The following OR1J2 variants were observed in gnomAD, a reference collection of about 807,000 sequenced individuals.
OR1J2 encodes olfactory receptor 1J2.
For synonymous variants in OR1J2, 142 were observed against 99.7 expected (o/e 1.42, Z -2.52); for missense variants, 304 against 246.1 (o/e 1.24, Z -1.57).
chr9:122,473,162 A>T, the OR1J2 span, among the ~76,000 whole-genome samples: 1 of 152,200 alleles, frequency 6.6e-6, no homozygotes, highest in Non-Finnish European at 1.5e-5. Context: ...GTCATAAAAA[A>T]TCCTGACCTG....
chr9:122,451,678 A>G, the OR1J2 span, among the ~76,000 whole-genome samples: 3 of 152,180 alleles, frequency 2.0e-5, no homozygotes, highest in Non-Finnish European at 4.4e-5. Context: ...GTAGCCTACA[A>G]ATTCTTTATT....
At chr9:122,505,638 A>C in the OR1J2 span, among the ~76,000 whole-genome samples, 3 of 152,146 alleles carry the variant, frequency 2.0e-5, no homozygotes, top group African/African-American at 7.2e-5. Context: ...CTCAAACATT[A>C]TTATCTCAAG....
At chr9:122,524,967 G>A in the OR1J2 span, among the ~76,000 whole-genome samples, 1 of 152,176 alleles carries the variant, frequency 6.6e-6, no homozygotes, top group African/African-American at 2.4e-5. Context: ...AAAGCTAGAG[G>A]TCAATGGCTT....
chr9:122,535,860 TA>T, the OR1J2 span, among the ~76,000 whole-genome samples: 4 of 151,840 alleles, frequency 2.6e-5, no homozygotes, highest in Admixed American at 6.6e-5. Context: ...CAAAGGGAGA[TA>T]GGGGTGGGGC....
At chr9:122,550,681 A>G in the OR1J2 span, among the ~76,000 whole-genome samples, 1 of 152,122 alleles carries the variant, frequency 6.6e-6, no homozygotes, top group Non-Finnish European at 1.5e-5. Flanking sequence ...TAGAAAAAGC[A>G]ACTGATAAAA....
downstream of OR1J2, among the ~76,000 whole-genome samples, chr9:122,512,018 TC>T (rs1828647540): frequency 6.6e-6 from 1 of 152,234 alleles, no homozygotes; most frequent in Non-Finnish European, 1.5e-5. Context: ...AGTTTTCTTA[TC>T]CCTTATTTGA....
chr9:122,485,358 C>T, the OR1J2 span, among the ~76,000 whole-genome samples: 2 of 152,214 alleles, frequency 1.3e-5, no homozygotes. Context: ...TCCGCACAGA[C>T]TCCAGCACTT....
chr9:122,492,188 A>G, the OR1J2 span, among the ~76,000 whole-genome samples: 2 of 151,880 alleles, frequency 1.3e-5, no homozygotes, highest in Non-Finnish European at 2.9e-5. Context: ...AGTGTCCATT[A>G]TTGCCACATA....
chr9:122,457,376 A>G, the OR1J2 span, among the ~76,000 whole-genome samples: 1 of 152,294 alleles, frequency 6.6e-6, no homozygotes, highest in Non-Finnish European at 1.5e-5. Context: ...TTAAAATAAG[A>G]CAAAATTAAA....
At chr9:122,549,185 C>T in the OR1J2 span, among the ~76,000 whole-genome samples, 216 of 152,082 alleles carry the variant, frequency 1.4e-3, 1 homozygote, top group Non-Finnish European at 2.6e-3. Flanking sequence ...GTGCTCTCCC[C>T]GCAGTAATGA....
the OR1J2 span, chr9:122,568,187 C>A: frequency 3.7e-6 from 6 of 1,614,082 alleles, no homozygotes; most frequent in East Asian, 1.3e-4. Flanking sequence ...GTGTCAGACA[C>A]CCAGCATAGG....
At chr9:122,474,919 G>A in the OR1J2 span, among the ~76,000 whole-genome samples, 10 of 152,160 alleles carry the variant, frequency 6.6e-5, no homozygotes, top group Middle Eastern at 3.2e-3. Context: ...CAGCTGACAC[G>A]AACCTCTTCC....
rs771506738 is a variant in OR1J2 at position 122,511,613 on chromosome 9, A to G, written c.812A>G (p.Asp271Gly). 3 of 780,984 alleles carry G rather than the reference A, an allele frequency of 3.8e-6. No individual in the cohort carries two copies. Among genetic ancestry groups the G allele is most frequent in the East Asian group, 2.4e-5 (1 of 41,242 alleles). The allele number at this position is 780,984 out of a possible 1,614,324, so 48.4% of individuals were successfully genotyped here. ...ACTGTAAGCAGTTCTATTGACAAGG[A>G]TGTCATTGTGGCTCTCATGTACACG... ...FPTVSSSIDK[D>G]VIVALMYTVV... Residue 271 changes from aspartate (D) to glycine (G), a missense_variant, in exon 1 of 1, where the codon GAT becomes GGT. Coordinates refer to ENST00000335302, the MANE Select transcript of OR1J2 (RefSeq NM_054107.1).
At chr9:122,568,448 G>A in the OR1J2 span, 1 of 1,607,546 alleles carries the variant, frequency 6.2e-7, no homozygotes, top group Non-Finnish European at 8.5e-7. Flanking sequence ...TAAACTCGGA[G>A]ACACTGCTGG....
the OR1J2 span, chr9:122,578,206 T>C: frequency 1.3e-5 from 2 of 152,128 alleles, no homozygotes; most frequent in Non-Finnish European, 2.9e-5. Context: ...ATCTCAGCAT[T>C]TTAGGAGGGT....
chr9:122,575,128 T>C, the OR1J2 span, among the ~76,000 whole-genome samples: 1,021 of 152,244 alleles, frequency 6.7e-3, 13 homozygotes, highest in African/African-American at 0.024. Flanking sequence ...TATGCATGTA[T>C]GTTTATGAGA....
the OR1J2 span, chr9:122,475,818 A>G: frequency 2.6e-5 from 4 of 152,196 alleles, no homozygotes; most frequent in African/African-American, 4.8e-5. Flanking sequence ...AGATTCAGGT[A>G]AAGAAACGCC....
At chr9:122,536,085 T>A in the OR1J2 span, among the ~76,000 whole-genome samples, 1 of 152,186 alleles carries the variant, frequency 6.6e-6, no homozygotes, top group Non-Finnish European at 1.5e-5. Context: ...GAACCAGCCA[T>A]CTGGATGTGT....
chr9:122,475,203 G>A, the OR1J2 span: 2 of 152,272 alleles, frequency 1.3e-5, no homozygotes, highest in Non-Finnish European at 2.9e-5. Context: ...GCGAGGCCAG[G>A]GGCAGGGTTA....
Sources: allele counts gnomAD v4.1 joint callset (sites outside exome capture counted in the v4.1 genomes callset), GRCh38; gene constraint gnomAD v4.1.1; transcripts MANE v1.5; gene names NCBI Gene and HGNC (gene_info 2026-07-23, HGNC 2026-07-21).